NELFCD: variants seen among roughly 807,000 people sequenced by gnomAD.
NELFCD encodes negative elongation factor complex member C/D.
A neutral mutation model predicts 72.9 loss-of-function variants in NELFCD; 48 were observed. The observed-to-expected ratio is 0.66, with a 90% confidence interval of 0.52 to 0.84. The LOEUF (loss-of-function observed/expected upper bound fraction) is 0.84. Ranked by LOEUF, NELFCD falls within the 40% of genes least tolerant of loss-of-function variation. The pLI is 0.00. For missense variants in NELFCD, 538 were observed against 723.8 expected, an observed-to-expected ratio of 0.74 and a Z score of 2.94; for synonymous variants, 297 against 280.6, an observed-to-expected ratio of 1.06 and a Z score of -0.59.
chr20:58,993,771 A>G lies in NELFCD; in HGVS notation c.1581+7A>G, dbSNP rs765095311. ...TCGCTATTTTGTCACTGAGGTCAGC[A>G]ATGCACCGTTGGTTTCATGTTTCAT... is the stretch of plus-strand genomic sequence containing the variant. On this transcript the variant is annotated splice_region_variant and intron_variant, in intron 13 of 14. Coordinates refer to ENST00000652272, the MANE Select transcript of NELFCD (RefSeq NM_198976.4). This position sits in a 1 kb window ranked among gnomAD's most constrained non-coding sequence, Gnocchi z 5.0. The G allele has an allele frequency of 6.2e-7, 1 of 1,613,982 alleles. No individual in the cohort carries two copies. The highest frequency in any genetic ancestry group is 8.5e-7 in the Non-Finnish European group (1 of 1,179,934).
rs1208645713 is a variant in NELFCD, at chr20:58,981,378, G to A, written c.60+9G>A. On this transcript the variant is annotated intron_variant, in intron 1 of 14. Transcript: ENST00000652272. ...AGGCTGACGGCGGCCAGGTGAGGCG[G>A]GGCACTGGGCGCACCCTAGAGAGAA... 3.7e-6 allele frequency: 4 copies of A among 1,072,354 alleles called. No homozygotes were observed. The highest frequency in any genetic ancestry group is 9.0e-5 in the Admixed American group (2 of 22,236). The allele number at this position is 1,072,354 out of a possible 1,614,324, so 66.4% of individuals were successfully genotyped here.
chr20:58,987,325 T>C (rs998828510), intron 3 of NELFCD: 1 of 267,304 alleles, frequency 3.7e-6, no homozygotes, highest in African/African-American at 2.3e-5. Flanking sequence ...CGGAAGCTTG[T>C]GGACACACTG....
chr20:58,989,241 C>A (rs2091795214), intron 5 of NELFCD: 1 of 619,910 alleles, frequency 1.6e-6, no homozygotes, highest in East Asian at 2.7e-5. Flanking sequence ...TACAAGAATT[C>A]TCTTGTGGTT....
intron 9 of NELFCD, 88 bp from the exon 10 acceptor site, chr20:58,991,793 G>C: frequency 1.4e-6 from 2 of 1,475,504 alleles, no homozygotes; most frequent in African/African-American, 1.4e-5. Flanking sequence ...TAGGGAAAGT[G>C]CTTTGCAAGA....
chr20:58,989,782 G>A, intron 6 of NELFCD, 76 bp from the exon 7 acceptor site: 3 of 1,610,432 alleles, frequency 1.9e-6, no homozygotes, highest in Non-Finnish European at 8.5e-7. Flanking sequence ...CCCGAGCACG[G>A]TGGAGGCTTG....
intron 3 of NELFCD, chr20:58,987,469 A>G (rs915114334): frequency 6.0e-6 from 3 of 497,822 alleles, no homozygotes; most frequent in African/African-American, 5.9e-5. Flanking sequence ...GGCTCTGCAG[A>G]TGGTGCTGTC....
chr20:58,994,005 G>T, intron 13 of NELFCD, 105 bp from the exon 14 acceptor site: 1 of 1,375,880 alleles, frequency 7.3e-7, no homozygotes, highest in South Asian at 1.3e-5. Context: ...CCGGCCGGTG[G>T]GGGTGGGGAG....
Position 58,991,884 on chromosome 20 carries a change from A to G in NELFCD, c.1093A>G (p.Lys365Glu). 6.2e-7 allele frequency: 1 copy of G among 1,614,132 alleles called. No individual in the cohort carries two copies. Among genetic ancestry groups the G allele is most frequent in the Non-Finnish European group, 8.5e-7 (1 of 1,179,968 alleles). The change falls in exon 10 of 15, where the codon AAG becomes GAG. Residue 365 changes from lysine to glutamate, a missense_variant. Physicochemically the swap from Lys to Glu is moderately conservative, Grantham distance 56. This residue lies in a region of NELFCD where 355 missense variants were observed against 534.5 expected (regional missense o/e 0.66). Coordinates refer to ENST00000652272, the MANE Select transcript of NELFCD (RefSeq NM_198976.4). ...CAGCTTGTGTGTGTGTTTTCAGAAC[A>G]AGCGAGTGAGCATCAATAAAGATGA... ...ASVVETWKKN[K>E]RVSINKDELK...
chr20:58,994,135 A>T lies in NELFCD; in HGVS notation c.1607A>T (p.Tyr536Phe). 3.1e-6 allele frequency: 5 copies of T among 1,614,112 alleles called. No homozygotes were observed. The highest frequency in any genetic ancestry group is 4.2e-6 in the Non-Finnish European group (5 of 1,180,000). Reference protein sequence around the residue: ...TEVLDVIAPPYTSDFVQLFLP... With the variant: ...TEVLDVIAPPFTSDFVQLFLP... ...GTGCTGGACGTCATTGCTCCTCCTTATACCTCTGACTTCGTGCAACTTTTC... is the reference window on the plus strand; with the variant it reads ...GTGCTGGACGTCATTGCTCCTCCTTTTACCTCTGACTTCGTGCAACTTTTC... The change falls in exon 14 of 15, where the codon TAT (tyrosine) becomes TTT (phenylalanine). Residue 536 changes from tyrosine to phenylalanine, a missense_variant. Around this residue, in one of 3 missense-constraint regions of NELFCD, gnomAD observed 136 missense variants for 154.0 expected, o/e 0.88. Coordinates refer to ENST00000652272, the MANE Select transcript of NELFCD (RefSeq NM_198976.4).
Position 58,990,960 on chromosome 20 carries a change from A to T in NELFCD, c.839A>T (p.Tyr280Phe), listed in dbSNP as rs776603911. ...CTAGCCTTGGGCACAGCTGCCTCCT[A>T]CCCCAGGGCCTGCCAGGCTCTCGGG... ...ITLALGTAAS[Y>F]PRACQALGAM... Residue 280 changes from tyrosine to phenylalanine, a missense_variant, in exon 8 of 15, where the codon TAC becomes TTC. By Grantham distance (22) the Tyr-to-Phe change is conservative. Coordinates refer to ENST00000652272, the MANE Select transcript of NELFCD (RefSeq NM_198976.4). 6.2e-7 allele frequency: 1 copy of T among 1,614,046 alleles called. No homozygotes were observed. The highest frequency in any genetic ancestry group is 8.5e-7 in the Non-Finnish European group (1 of 1,180,000).
chr20:58,989,648 C>A lies in NELFCD; in HGVS notation c.657+8C>A. ...AATCTCCCTGAGTTTGCCGTAAGTT[C>A]TTTCTTTATGAACCTCAGATTAGAA... On this transcript the variant is annotated splice_region_variant and intron_variant, in intron 6 of 14. Transcript: ENST00000652272. The A allele has an allele frequency of 6.2e-7, 1 of 1,614,138 alleles. No homozygotes were observed. Among genetic ancestry groups the A allele is most frequent in the Non-Finnish European group, 8.5e-7 (1 of 1,180,010 alleles).
In NELFCD at chr20:58,986,198, A is replaced by G. The variant is rs1294652070; in HGVS notation, c.166A>G (p.Thr56Ala). The G allele has an allele frequency of 6.3e-7, 1 of 1,599,370 alleles. No homozygotes were observed. The highest frequency in any genetic ancestry group is 1.7e-5 in the Admixed American group (1 of 59,944). Residue 56 changes from threonine to alanine, a missense_variant, in exon 2 of 15, where the codon ACT becomes GCT. Physicochemically the swap from Thr to Ala is moderately conservative, Grantham distance 58. Around this residue, in one of 3 missense-constraint regions of NELFCD, gnomAD observed 355 missense variants for 534.5 expected, o/e 0.66. Transcript: ENST00000652272. This position sits in a 1 kb window ranked among gnomAD's most constrained non-coding sequence, Gnocchi z 4.4. ...DYIMEPSIFN[T>A]LKRYFQAGGS... Reference sequence around the variant, plus strand: ...TATCATGGAACCCTCCATCTTCAACACTCTGAAGAGGTATGTGAGAAAGGT... The same window carrying G: ...TATCATGGAACCCTCCATCTTCAACGCTCTGAAGAGGTATGTGAGAAAGGT...
In NELFCD at chr20:58,993,371, G is replaced by T. The variant is rs1569060143; in HGVS notation, c.1345-78G>T. On this transcript the variant is annotated intron_variant, in intron 11 of 14. Transcript: ENST00000652272. This position sits in a 1 kb window ranked among gnomAD's most constrained non-coding sequence, Gnocchi z 5.0. ...TTCCACAGTGATAAGCTCTTTGGTG[G>T]CTGTGACAGTGCCCAGTTTCTCTGT... 15 of 1,371,206 alleles carry T rather than the reference G, an allele frequency of 1.1e-5. No homozygotes were observed. Among genetic ancestry groups the T allele is most frequent in the Non-Finnish European group, 1.4e-5 (14 of 978,604 alleles). 84.9% of individuals were successfully genotyped at this position (1,371,206 alleles called of 1,614,324 possible).
In NELFCD at chr20:58,994,982, G is replaced by T. The variant is rs540628959; in HGVS notation, c.*306G>T. The T allele has an allele frequency of 9.7e-6, 3 of 309,690 alleles. No individual in the cohort carries two copies. Among genetic ancestry groups the T allele is most frequent in the African/African-American group, 4.3e-5 (2 of 46,266 alleles). The allele number at this position is 309,690 out of a possible 1,614,324, so 19.2% of individuals were successfully genotyped here. A position where few individuals can be genotyped will look rare whatever the true frequency, so the allele number is the denominator to read the frequency against. ...CAGATCTGGCCGTCAGCCGCGGGCC[G>T]CTGGGAACTCCACTCGGGGAACTCC... is the stretch of plus-strand genomic sequence containing the variant. On this transcript the variant is annotated 3_prime_UTR_variant, in exon 15 of 15. Transcript: ENST00000652272.
Position 58,986,281 on chromosome 20 carries a change from A to G in NELFCD, c.176+73A>G. The G allele has an allele frequency of 4.1e-6, 4 of 986,798 alleles. No homozygotes were observed. Among genetic ancestry groups the G allele is most frequent in the Non-Finnish European group, 6.5e-6 (4 of 612,736 alleles). 61.1% of individuals were successfully genotyped at this position (986,798 alleles called of 1,614,324 possible). On this transcript the variant is annotated intron_variant, in intron 2 of 14. Transcript: ENST00000652272. The surrounding 1 kb of genome is among the most constrained non-coding windows in gnomAD (Gnocchi z 4.4). The stretch of plus-strand genomic sequence containing the variant: ...GAGAAAGTTTTGTAATACACCCAGA[A>G]GGTGCTATGTAAAGCAAGAGTAACG...
chr20:58,994,579 A>AG, intron 14 of NELFCD, 63 bp from the exon 15 acceptor site: 1 of 1,337,424 alleles, frequency 7.5e-7, no homozygotes, highest in Non-Finnish European at 1.1e-6. Flanking sequence ...AAAAAAAAAA[A>AG]AGAAAGAAAA....
Position 58,988,911 on chromosome 20 carries a change from C to T in NELFCD, c.397-3C>T. On this transcript the variant is annotated splice_region_variant and splice_polypyrimidine_tract_variant and intron_variant, in intron 4 of 14. Transcript: ENST00000652272. ...ATCTTGCTGTTTGTGTGTGTGTTGG[C>T]AGACCCCAGCGTGGCTGGAACAGAT... 3 of 1,611,178 alleles carry T rather than the reference C, an allele frequency of 1.9e-6. No individual in the cohort carries two copies. The highest frequency in any genetic ancestry group is 2.5e-6 in the Non-Finnish European group (3 of 1,177,406).
In NELFCD at chr20:58,993,943, TTTA is replaced by T; in HGVS notation, c.1582-166_1582-164del. The stretch of plus-strand genomic sequence containing the variant: ...TGCCTGCAGCAGCTGTATGACACAC[TTTA>T]CCTCCATTACCACCCTGGGCATCTG... On this transcript the variant is annotated intron_variant, in intron 13 of 14. Transcript: ENST00000652272. The surrounding 1 kb of genome is among the most constrained non-coding windows in gnomAD (Gnocchi z 5.0). 9.4e-7 allele frequency: 1 copy of T among 1,066,152 alleles called. No homozygotes were observed. The highest frequency in any genetic ancestry group is 1.4e-5 in the South Asian group (1 of 69,106). 66.0% of individuals were successfully genotyped at this position (1,066,152 alleles called of 1,614,324 possible).
intron 5 of NELFCD, 70 bp downstream of exon 5, chr20:58,989,091 C>A: frequency 8.7e-7 from 1 of 1,156,062 alleles, no homozygotes; most frequent in Non-Finnish European, 1.3e-6. Context: ...GGTCTGTTTC[C>A]TTTGACAGTT....
Sources: allele counts gnomAD v4.1 joint callset, GRCh38; gene constraint gnomAD v4.1.1; regional missense constraint gnomAD v4.1.1; non-coding constraint Gnocchi (gnomAD v3.1); transcripts MANE v1.5; gene names NCBI Gene and HGNC (gene_info 2026-07-23, HGNC 2026-07-21).